The following ARHGEF37 variants were observed in gnomAD, a reference collection of about 807,000 sequenced individuals.
ARHGEF37 encodes Rho guanine nucleotide exchange factor 37, also known as Rho guanine nucleotide exchange factor (GEF) 37.
In ARHGEF37, 55 loss-of-function variants were observed where a neutral mutation model predicts 71.1. The observed-to-expected ratio is 0.77, with a 90% CI of 0.62 to 0.97. The LOEUF is 0.97. ARHGEF37 is among the 50% of genes least tolerant of loss of function. ARHGEF37 has a pLI of 0.00. For missense variants in ARHGEF37, 765 were observed against 836.8 expected (o/e 0.91, Z 1.06); for synonymous variants, 327 against 350.6 (o/e 0.93, Z 0.75).
chr5:149,612,542 T>C (rs1260945980), intron 4 of ARHGEF37, among the ~76,000 whole-genome samples: 1 of 152,220 alleles, frequency 6.6e-6, no homozygotes, highest in African/African-American at 2.4e-5. Context: ...TAAAAGATAG[T>C]GTCATAGTAA....
intron 2 of ARHGEF37, among the ~76,000 whole-genome samples, chr5:149,599,911 T>C (rs1286575343): frequency 6.6e-6 from 1 of 152,220 alleles, no homozygotes; most frequent in Non-Finnish European, 1.5e-5. Context: ...AATTGGGATT[T>C]TTCTCTATAG....
intron 1 of ARHGEF37, among the ~76,000 whole-genome samples, chr5:149,564,905 C>T (rs1457336997): frequency 6.6e-6 from 1 of 152,228 alleles, no homozygotes; most frequent in Non-Finnish European, 1.5e-5. Flanking sequence ...ACCCATGGCA[C>T]ATCGTGATCT....
chr5:149,560,394 G>A (rs1320475415), intron 1 of ARHGEF37, among the ~76,000 whole-genome samples: 2 of 152,178 alleles, frequency 1.3e-5, no homozygotes, highest in Non-Finnish European at 2.9e-5. Context: ...AATTACAGGC[G>A]TGAGCCACCA....
chr5:149,582,564 T>G (rs1452541741), intron 1 of ARHGEF37, among the ~76,000 whole-genome samples: 1 of 152,188 alleles, frequency 6.6e-6, no homozygotes, highest in African/African-American at 2.4e-5. Flanking sequence ...TGACATAATA[T>G]ATGCTCAATA....
chr5:149,559,141 T>C (rs1330386187), intron 1 of ARHGEF37, among the ~76,000 whole-genome samples: 1 of 152,124 alleles, frequency 6.6e-6, no homozygotes, highest in Non-Finnish European at 1.5e-5. Context: ...GCCAACGTGG[T>C]AAAACCCTAT....
intron 1 of ARHGEF37, among the ~76,000 whole-genome samples, chr5:149,567,727 A>G (rs1227106062): frequency 6.6e-6 from 1 of 152,154 alleles, no homozygotes; most frequent in East Asian, 1.9e-4. Context: ...TTGGGCTCCT[A>G]TGTTCTTTTA....
intron 9 of ARHGEF37, among the ~76,000 whole-genome samples, chr5:149,622,463 A>T (rs1446311564): frequency 6.6e-6 from 1 of 152,202 alleles, no homozygotes; most frequent in Non-Finnish European, 1.5e-5. Flanking sequence ...TCCAGCAGCC[A>T]TCTTCTCATG....
Position 149,569,771 on chromosome 5 carries a change from C to T in ARHGEF37, c.-12+17648C>T, listed in dbSNP as rs145458927. 9.6e-3 allele frequency among the ~76,000 whole-genome samples: 1,463 copies of T among 152,086 alleles called. 19 individuals carry two copies. Among genetic ancestry groups the T allele is most frequent in the African/African-American group, 0.033 (1,368 of 41,464 alleles). On this transcript the variant is annotated intron_variant, in intron 1 of 2. Transcript: ENST00000505810. ...GAGCAGCTGGGATTACAGGTGCGCA[C>T]CACCACGCCCGGCTAATTTTTGTAT...
chr5:149,624,187 C>T (rs1343153474), intron 10 of ARHGEF37, 47 bp downstream of exon 10: 2 of 1,570,090 alleles, frequency 1.3e-6, no homozygotes, highest in Non-Finnish European at 1.7e-6. Context: ...TCTTCACTGG[C>T]CAGTAGGGTG....
rs1215879217 is a variant in ARHGEF37, at chr5:149,581,517, G to A, written c.-119G>A. The stretch of plus-strand genomic sequence containing the variant: ...CTCGGTGGGCACAGCCACCCGGAGC[G>A]GCGCGGGTGCCGGGAGCTGGGCGAC... On this transcript the variant is annotated 5_prime_UTR_variant, in exon 1 of 13. Transcript: ENST00000333677. The A allele has an allele frequency of 6.6e-6, 1 of 152,028 alleles. No homozygotes were observed. Among genetic ancestry groups the A allele is most frequent in the African/African-American group, 2.4e-5 (1 of 41,428 alleles). The allele number at this position is 152,028 out of a possible 1,614,324, so 9.4% of individuals were successfully genotyped here. A position where few individuals can be genotyped will look rare whatever the true frequency, so the allele number is the denominator to read the frequency against.
intron 1 of ARHGEF37, among the ~76,000 whole-genome samples, chr5:149,592,642 G>C (rs191898569): frequency 4.3e-4 from 66 of 152,316 alleles, no homozygotes; most frequent in African/African-American, 1.6e-3. Context: ...CTTACTGCGG[G>C]ATGTCCAGAC....
chr5:149,602,721 G>A (rs10045699), intron 3 of ARHGEF37, among the ~76,000 whole-genome samples: 15,228 of 151,988 alleles, frequency 0.1, 2,466 homozygotes, highest in African/African-American at 0.34. Context: ...CCCATCTGCT[G>A]CCAGGATTCC....
chr5:149,587,362 C>T (rs1053871259), intron 1 of ARHGEF37, among the ~76,000 whole-genome samples: 11 of 152,128 alleles, frequency 7.2e-5, no homozygotes, highest in Non-Finnish European at 1.5e-4. Flanking sequence ...CTACCCTTTC[C>T]ATCTTAACAA....
intron 1 of ARHGEF37, among the ~76,000 whole-genome samples, chr5:149,575,864 G>A (rs1447883205): frequency 1.3e-5 from 2 of 151,718 alleles, no homozygotes; most frequent in African/African-American, 2.4e-5. Flanking sequence ...GGGCAACAAG[G>A]TGAACCCCCT....
rs151254618 is a variant in ARHGEF37, at chr5:149,575,878, G to A, written c.-11-21881G>A. ...TGGGCAACAAGGTGAACCCCCTGCCGTCCCCCCCCTCAAAAAATACAAAAA... is the reference window on the plus strand; with the variant it reads ...TGGGCAACAAGGTGAACCCCCTGCCATCCCCCCCCTCAAAAAATACAAAAA... On this transcript the variant is annotated intron_variant, in intron 1 of 2. Transcript: ENST00000505810. Among the ~76,000 whole-genome samples the A allele has an allele frequency of 6.8e-3, 1,024 of 150,290 alleles. 16 individuals carry two copies. Among genetic ancestry groups the A allele is most frequent in the African/African-American group, 0.024 (991 of 40,900 alleles).
At chr5:149,611,335 C>T (rs1247160821) in intron 4 of ARHGEF37, among the ~76,000 whole-genome samples, 4 of 152,194 alleles carry the variant, frequency 2.6e-5, no homozygotes, top group Non-Finnish European at 5.9e-5. Flanking sequence ...CCTCAGCTGC[C>T]ATGTAGAAAT....
At position 149,558,735 on chromosome 5, in the gene ARHGEF37, G is replaced by A. The variant is rs13179038; in HGVS notation, c.-12+6612G>A. ...TGTGTGTGTGTGTGTGTGTGTGTGT[G>A]TGTATATATATTTTTATATGTATAA... On this transcript the variant is annotated intron_variant, in intron 1 of 2. Transcript: ENST00000505810. Among the ~76,000 whole-genome samples the A allele has an allele frequency of 6.9e-3, 341 of 49,402 alleles. 2 individuals are homozygous for A. The highest frequency in any genetic ancestry group is 0.037 in the African/African-American group (290 of 7,854). The allele number at this position is 49,402 out of a possible 152,430, so 32.4% of individuals were successfully genotyped here. A position where few individuals can be genotyped will look rare whatever the true frequency, so the allele number is the denominator to read the frequency against.
chr5:149,578,328 A>G (rs1763050537), upstream of ARHGEF37, among the ~76,000 whole-genome samples: 1 of 152,198 alleles, frequency 6.6e-6, no homozygotes, highest in Admixed American at 6.5e-5. Context: ...ATCCCTTAAT[A>G]AAGTCATGGT....
chr5:149,631,037 G>A (rs942226677), intron 12 of ARHGEF37, among the ~76,000 whole-genome samples: 10 of 152,062 alleles, frequency 6.6e-5, no homozygotes, highest in African/African-American at 2.4e-4. Context: ...TTTTGCAGGT[G>A]GTAAAACAGG....
Sources: gnomAD v4.1 joint callset for allele counts (sites outside exome capture counted in the v4.1 genomes callset) on GRCh38, gnomAD v4.1.1 for gene constraint, MANE v1.5 for transcripts, NCBI Gene and HGNC (gene_info 2026-07-23, HGNC 2026-07-21) for gene names.